CFAP61: variants seen among roughly 807,000 people sequenced by gnomAD.
CFAP61 encodes the protein cilia- and flagella-associated protein 61.
In CFAP61, 107 loss-of-function variants were observed where a neutral mutation model predicts 135.6. The ratio of observed to expected loss-of-function variants is 0.79; its 90% confidence interval spans 0.67 to 0.93. The LOEUF (loss-of-function observed/expected upper bound fraction) is 0.93, where lower values mean the gene tolerates loss of function less well. CFAP61 is among the 40% of genes least tolerant of loss of function. The probability of loss-of-function intolerance (pLI) is 0.00; values close to 1 mark genes in which losing one functional copy is unlikely to be tolerated. For synonymous variants in CFAP61, 575 were observed against 578.5 expected, an observed-to-expected ratio of 0.99 and a Z score of 0.09; for missense variants, 1,507 against 1,556.2, an observed-to-expected ratio of 0.97 and a Z score of 0.53.
At chr20:20,351,221 CA>C (rs1157165761) in intron 26 of CFAP61, among the ~76,000 whole-genome samples, 2 of 151,872 alleles carry the variant, frequency 1.3e-5, no homozygotes, top group Non-Finnish European at 2.9e-5. Flanking sequence ...AAGACTCCAC[CA>C]AAAAACTTTT....
intron 18 of CFAP61, among the ~76,000 whole-genome samples, chr20:20,244,471 G>A (rs925025516): frequency 2.0e-5 from 3 of 152,236 alleles, no homozygotes; most frequent in African/African-American, 4.8e-5. Context: ...ATCCACTGAA[G>A]CCATAGCCTG....
intron 17 of CFAP61, chr20:20,200,841 C>T (rs2056580178): frequency 1.0e-6 from 1 of 985,322 alleles, no homozygotes; most frequent in Non-Finnish European, 1.2e-6. Context: ...TGTGCGTGCA[C>T]TGAGGGATGG....
In CFAP61 at chr20:20,270,970, C is replaced by A. The variant is rs143974775; in HGVS notation, c.2504-6196C>A. ...TAGAGGCGTGAGCCACCGCACCCAGCCCCAGGTTGAAACTTTAAAATGTGA... is the reference window on the plus strand; with the variant it reads ...TAGAGGCGTGAGCCACCGCACCCAGACCCAGGTTGAAACTTTAAAATGTGA... On this transcript the variant is annotated intron_variant, in intron 21 of 26. Coordinates refer to ENST00000245957, the MANE Select transcript of CFAP61 (RefSeq NM_015585.4). Among the ~76,000 whole-genome samples the A allele has an allele frequency of 8.7e-3, 1,318 of 152,294 alleles. 14 individuals carry two copies. The highest frequency in any genetic ancestry group is 0.029 in the African/African-American group (1,225 of 41,556).
intron 25 of CFAP61, among the ~76,000 whole-genome samples, chr20:20,311,858 G>A (rs1255864330): frequency 6.6e-6 from 1 of 152,144 alleles, no homozygotes; most frequent in African/African-American, 2.4e-5. Context: ...GGCTGGGAAC[G>A]CTGCCTGTTC....
chr20:20,062,301 A>T (rs1441803280), intron 2 of CFAP61, among the ~76,000 whole-genome samples: 3 of 152,228 alleles, frequency 2.0e-5, no homozygotes, highest in Non-Finnish European at 2.9e-5. Context: ...TCTCACCCAT[A>T]GAATCATGAG....
At chr20:20,219,122 T>G (rs1399116276) in intron 17 of CFAP61, among the ~76,000 whole-genome samples, 1 of 152,190 alleles carries the variant, frequency 6.6e-6, no homozygotes, top group Non-Finnish European at 1.5e-5. Flanking sequence ...AAATGACCAA[T>G]CCACTACTTG....
At chr20:20,297,489 G>C (rs2055730934) in intron 24 of CFAP61, among the ~76,000 whole-genome samples, 1 of 152,188 alleles carries the variant, frequency 6.6e-6, no homozygotes, top group Non-Finnish European at 1.5e-5. Context: ...GGCTGAAATA[G>C]AAGAAGTCAC....
At chr20:20,291,318 G>A (rs2054983832) in intron 24 of CFAP61, among the ~76,000 whole-genome samples, 1 of 152,182 alleles carries the variant, frequency 6.6e-6, no homozygotes, top group Non-Finnish European at 1.5e-5. Context: ...CTGCCTGTTT[G>A]TCCCTCCCTC....
In CFAP61 at chr20:20,272,861, C is replaced by T. The variant is rs1308999593; in HGVS notation, c.2504-4305C>T. Among the ~76,000 whole-genome samples the T allele has an allele frequency of 7.9e-5, 12 of 152,112 alleles. No homozygotes were observed. The East Asian group carries it at 1.2e-3, about 15-fold the overall frequency. On this transcript the variant is annotated intron_variant, in intron 21 of 26. Transcript: ENST00000245957. ...TGATTCAGCCCAAAATTGACTTAAC[C>T]GTTGCAAAATGAGTTACCCAACTGC...
chr20:20,322,845 G>A, intron 25 of CFAP61: 5 of 985,148 alleles, frequency 5.1e-6, no homozygotes, highest in Non-Finnish European at 4.8e-6. Context: ...CATTCATCTT[G>A]CATTAATGAA....
At chr20:20,216,677 C>T (rs2048060020) in intron 17 of CFAP61, among the ~76,000 whole-genome samples, 1 of 152,142 alleles carries the variant, frequency 6.6e-6, no homozygotes, top group Admixed American at 6.5e-5. Context: ...ATTTTGAATA[C>T]TGTTTTGGAA....
At chr20:20,152,056 CTA>C (rs1569013538) in intron 9 of CFAP61, among the ~76,000 whole-genome samples, 1 of 152,030 alleles carries the variant, frequency 6.6e-6, no homozygotes, top group Non-Finnish European at 1.5e-5. Context: ...GGATTGGGTC[CTA>C]TCTTTAGCTC....
chr20:20,250,798 T>G (rs2050820315), intron 19 of CFAP61, among the ~76,000 whole-genome samples: 1 of 152,098 alleles, frequency 6.6e-6, no homozygotes, highest in African/African-American at 2.4e-5. Context: ...CAAAACTGTT[T>G]AAATAAACCC....
chr20:20,276,228 GT>G (rs1196445843), intron 21 of CFAP61, among the ~76,000 whole-genome samples: 1 of 152,176 alleles, frequency 6.6e-6, no homozygotes, highest in Non-Finnish European at 1.5e-5. Flanking sequence ...ATTTTGGCTT[GT>G]AAAATTCCTT....
intron 3 of CFAP61, among the ~76,000 whole-genome samples, chr20:20,071,937 A>C (rs1843381747): frequency 6.6e-6 from 1 of 152,048 alleles, no homozygotes; most frequent in African/African-American, 2.4e-5. Flanking sequence ...CCTTTGGTTG[A>C]GTAGCCTGTT....
chr20:20,343,004 GCACCCGCCACCA>G (rs1232251643), intron 26 of CFAP61, among the ~76,000 whole-genome samples: 1 of 152,000 alleles, frequency 6.6e-6, no homozygotes, highest in African/African-American at 2.4e-5. Context: ...GGGATTACAG[GCACCCGCCACCA>G]CACCCAGCTA....
At chr20:20,343,008 C>T (rs1367097220) in intron 26 of CFAP61, among the ~76,000 whole-genome samples, 1 of 151,964 alleles carries the variant, frequency 6.6e-6, no homozygotes, top group Non-Finnish European at 1.5e-5. Flanking sequence ...TTACAGGCAC[C>T]CGCCACCACA....
At chr20:20,249,650 G>A (rs1436259479) in intron 19 of CFAP61, among the ~76,000 whole-genome samples, 1 of 152,194 alleles carries the variant, frequency 6.6e-6, no homozygotes, top group Non-Finnish European at 1.5e-5. Context: ...GTGGTCCCCA[G>A]TGCCATTCCC....
chr20:20,239,648 G>T (rs200554789), intron 18 of CFAP61, among the ~76,000 whole-genome samples: 3 of 152,268 alleles, frequency 2.0e-5, no homozygotes, highest in East Asian at 3.9e-4. Flanking sequence ...ACTTGCAAAG[G>T]TCAAAAAGCT....
Sources: allele counts gnomAD v4.1 joint callset (sites outside exome capture counted in the v4.1 genomes callset), GRCh38; gene constraint gnomAD v4.1.1; transcripts MANE v1.5; gene names NCBI Gene and HGNC (gene_info 2026-07-23, HGNC 2026-07-21).